Variants in DLG2 observed in about 807,000 individuals in gnomAD.
DLG2 encodes the protein discs large MAGUK scaffold protein 2.
A neutral mutation model predicts 132.5 loss-of-function variants in DLG2; 45 were observed. That is an observed-to-expected ratio of 0.34 (90% CI 0.27 to 0.44). DLG2 has a LOEUF of 0.44. DLG2 is among the 20% of genes least tolerant of loss of function. The probability of loss-of-function intolerance (pLI) is 1.00; values close to 1 mark genes in which losing one functional copy is unlikely to be tolerated. For synonymous variants in DLG2, 424 were observed against 419.6 expected, an observed-to-expected ratio of 1.01 and a Z score of -0.13; for missense variants, 1,045 against 1,196.9, an observed-to-expected ratio of 0.87 and a Z score of 1.87.
intron 21 of DLG2, 138 bp downstream of exon 21, chr11:83,532,570 T>C: frequency 1.5e-6 from 1 of 679,742 alleles, no homozygotes; most frequent in South Asian, 1.8e-5. Flanking sequence ...CATTATTAAC[T>C]TCAGCAATAT....
At chr11:85,191,903 G>C (rs1477877905) in intron 4 of DLG2, among the ~76,000 whole-genome samples, 1 of 151,994 alleles carries the variant, frequency 6.6e-6, no homozygotes, top group East Asian at 1.9e-4. Context: ...TATTATCCTG[G>C]GCTTTTTGAG....
At chr11:83,888,578 T>C (rs1485054024) in intron 15 of DLG2, among the ~76,000 whole-genome samples, 1 of 152,206 alleles carries the variant, frequency 6.6e-6, no homozygotes, top group Non-Finnish European at 1.5e-5. Context: ...AATGACTTTC[T>C]TCACAGAATT....
At chr11:85,230,380 G>A (rs1262814855) in intron 4 of DLG2, among the ~76,000 whole-genome samples, 2 of 150,142 alleles carry the variant, frequency 1.3e-5, no homozygotes, top group African/African-American at 4.9e-5. Flanking sequence ...TTCCTTCAAC[G>A]TGTCTTAGTA....
intron 2 of DLG2, among the ~76,000 whole-genome samples, chr11:85,625,580 T>C (rs2081987561): frequency 6.6e-6 from 1 of 152,168 alleles, no homozygotes. Context: ...TTCCTCAACA[T>C]CCCTAACAAA....
chr11:85,282,468 C>A (rs1334508296), intron 4 of DLG2, among the ~76,000 whole-genome samples: 2 of 151,058 alleles, frequency 1.3e-5, no homozygotes, highest in Non-Finnish European at 3.0e-5. Flanking sequence ...TGCATGTACC[C>A]CATAAATATG....
intron 2 of DLG2, among the ~76,000 whole-genome samples, chr11:85,602,452 A>T (rs1465823208): frequency 6.6e-6 from 1 of 150,466 alleles, no homozygotes; most frequent in East Asian, 1.9e-4. Context: ...TTTAAGCAGG[A>T]TCTCTCTCTG....
At chr11:84,876,334 G>A (rs936695527) in intron 6 of DLG2, among the ~76,000 whole-genome samples, 4 of 152,110 alleles carry the variant, frequency 2.6e-5, no homozygotes, top group Admixed American at 2.6e-4. Flanking sequence ...TGATTGGTAG[G>A]CTATTAATTA....
At chr11:83,577,728 C>A in intron 19 of DLG2, among the ~76,000 whole-genome samples, 1 of 116,476 alleles carries the variant, frequency 8.6e-6, no homozygotes, top group Non-Finnish European at 1.7e-5. Context: ...ATTAAATTAT[C>A]CTATAAATAG....
At chr11:84,290,929 ATCT>A (rs755842461) in intron 7 of DLG2, among the ~76,000 whole-genome samples, 59 of 152,260 alleles carry the variant, frequency 3.9e-4, no homozygotes, top group Non-Finnish European at 6.8e-4. Flanking sequence ...TTATTGTCTC[ATCT>A]AAAAATGGGG....
At chr11:84,143,081 T>TA (rs1490723500) in intron 9 of DLG2, among the ~76,000 whole-genome samples, 1 of 152,202 alleles carries the variant, frequency 6.6e-6, no homozygotes, top group African/African-American at 2.4e-5. Flanking sequence ...TCCTGACTGA[T>TA]ACAGTGTCTT....
At chr11:83,640,654 A>G (rs1164144246) in intron 18 of DLG2, among the ~76,000 whole-genome samples, 2 of 152,202 alleles carry the variant, frequency 1.3e-5, no homozygotes, top group African/African-American at 4.8e-5. Flanking sequence ...CTCACAGGAT[A>G]GTGCATAGTT....
chr11:85,173,920 A>G (rs1267171536), intron 4 of DLG2, among the ~76,000 whole-genome samples: 1 of 152,176 alleles, frequency 6.6e-6, no homozygotes, highest in Non-Finnish European at 1.5e-5. Flanking sequence ...AAAAACAGCT[A>G]AGTATCCTGA....
At chr11:84,969,423 A>G (rs191189685) in intron 6 of DLG2, among the ~76,000 whole-genome samples, 7 of 152,266 alleles carry the variant, frequency 4.6e-5, no homozygotes, top group Admixed American at 6.5e-5. Flanking sequence ...TCTCTTCTCT[A>G]TATCTTCTAG....
At chr11:84,540,429 G>GA (rs2099365628) in intron 6 of DLG2, among the ~76,000 whole-genome samples, 1 of 151,352 alleles carries the variant, frequency 6.6e-6, no homozygotes, top group South Asian at 2.1e-4. Context: ...GCAGCCAACA[G>GA]ACACATGAAA....
At chr11:84,376,523 T>C (rs2154431870) in intron 7 of DLG2, among the ~76,000 whole-genome samples, 1 of 152,016 alleles carries the variant, frequency 6.6e-6, no homozygotes, top group African/African-American at 2.4e-5. Context: ...TACTCTTGTG[T>C]CCATATGGAA....
chr11:84,138,333 ATG>A (rs1239072836), intron 9 of DLG2, among the ~76,000 whole-genome samples: 6 of 152,200 alleles, frequency 3.9e-5, no homozygotes, highest in Non-Finnish European at 7.3e-5. Flanking sequence ...AGTCTGAGTG[ATG>A]CATAGGTTGT....
chr11:84,366,499 A>T (rs949166226), intron 7 of DLG2, among the ~76,000 whole-genome samples: 3 of 152,182 alleles, frequency 2.0e-5, no homozygotes, highest in African/African-American at 7.2e-5. Flanking sequence ...AAATGCTCCA[A>T]TTAAAAGACA....
intron 12 of DLG2, among the ~76,000 whole-genome samples, chr11:83,974,890 T>G (rs1027491127): frequency 7.2e-5 from 11 of 151,978 alleles, no homozygotes; most frequent in Non-Finnish European, 1.5e-4. Flanking sequence ...ACTTACTACT[T>G]CCCTTTAAGG....
At chr11:83,781,810 C>T (rs575766039) in intron 18 of DLG2, among the ~76,000 whole-genome samples, 14 of 152,272 alleles carry the variant, frequency 9.2e-5, no homozygotes, top group African/African-American at 3.4e-4. Context: ...TATTTCAAAC[C>T]TAATCAGTTA....
Sources: allele counts gnomAD v4.1 joint callset (sites outside exome capture counted in the v4.1 genomes callset), GRCh38; gene constraint gnomAD v4.1.1; transcripts MANE v1.5; gene names NCBI Gene and HGNC (gene_info 2026-07-23, HGNC 2026-07-21).